CNOT4: variants seen among roughly 807,000 people sequenced by gnomAD.
CNOT4 encodes the protein CCR4-NOT transcription complex subunit 4.
A neutral mutation model predicts 73.8 loss-of-function variants in CNOT4; 8 were observed. The ratio of observed to expected loss-of-function variants is 0.11; its 90% CI spans 0.06 to 0.20. The LOEUF (loss-of-function observed/expected upper bound fraction) is 0.20, where lower values mean the gene tolerates loss of function less well. CNOT4 is among the 10% of genes least tolerant of loss of function. The pLI is 1.00. For synonymous variants in CNOT4, 293 were observed against 321.1 expected (o/e 0.91, Z 0.94); for missense variants, 564 against 883.4 (o/e 0.64, Z 4.58).
intron 7 of CNOT4, among the ~76,000 whole-genome samples, chr7:135,404,334 T>A (rs1797163614): frequency 6.6e-6 from 1 of 152,222 alleles, no homozygotes; most frequent in Admixed American, 6.5e-5. Flanking sequence ...AGTTTGAGAA[T>A]CACTGCTTTA....
At position 135,394,272 on chromosome 7, in the gene CNOT4, C is replaced by G; in HGVS notation, c.1273G>C (p.Val425Leu). The G allele has an allele frequency of 6.2e-7, 1 of 1,614,106 alleles. No individual in the cohort carries two copies. The highest frequency in any genetic ancestry group is 8.5e-7 in the Non-Finnish European group (1 of 1,180,012). Residue 425 changes from valine to leucine, a missense_variant, in exon 10 of 12, where the codon GTT becomes CTT. Physicochemically the swap from Val to Leu is conservative, Grantham distance 32. This residue lies in a region of CNOT4 where 153 missense variants were observed against 158.7 expected (regional missense o/e 0.96). Transcript: ENST00000541284. ...LADLIEKELS[V>L]QDQPSLSPTS... ...GGCGAAAGGGAAGGTTGGTCTTGAA[C>G]GGACAGTTCCTTCTCAATCAGGTCT...
At position 135,394,088 on chromosome 7, in the gene CNOT4, T is replaced by C; in HGVS notation, c.1457A>G (p.Tyr486Cys). 1 of 1,614,176 alleles carries C rather than the reference T, an allele frequency of 6.2e-7. No homozygotes were observed. Among genetic ancestry groups the C allele is most frequent in the East Asian group, 2.2e-5 (1 of 44,886 alleles). The stretch of plus-strand genomic sequence containing the variant: ...CTGGCCTGGAAAACTGAATGAATTA[T>C]AAACCGCTCGGTGCTGCTGAAATTG... ...FPQFQQHRAV[Y>C]NSFSFPGQAA... Residue 486 changes from tyrosine (Y) to cysteine (C), a missense_variant, in exon 10 of 12, where the codon TAT becomes TGT. Tyr to Cys is a radical substitution (Grantham distance 194). Transcript: ENST00000541284.
chr7:135,502,816 C>CAAAAAAAAAAAA (rs56358299), intron 1 of CNOT4, among the ~76,000 whole-genome samples: 1 of 59,162 alleles, frequency 1.7e-5, no homozygotes, highest in Non-Finnish European at 3.3e-5. Flanking sequence ...AACTCCATCT[C>CAAAAAAAAAAAA]AAAAAAAAAA....
At chr7:135,503,739 C>T (rs988517462) in intron 1 of CNOT4, among the ~76,000 whole-genome samples, 2 of 151,894 alleles carry the variant, frequency 1.3e-5, no homozygotes, top group South Asian at 4.2e-4. Context: ...TCCTAATTCT[C>T]ATCTAAGAAT....
chr7:135,473,885 T>C lies in CNOT4; in HGVS notation c.-92-35462A>G, dbSNP rs112588115. On this transcript the variant is annotated intron_variant, in intron 1 of 11. Transcript: ENST00000541284. ...AGGAACAAACTCCCCCATCCAAGAGTAGAATAGTACTGTTTATGGCTTTCT... is the reference window on the plus strand; with the variant it reads ...AGGAACAAACTCCCCCATCCAAGAGCAGAATAGTACTGTTTATGGCTTTCT... Among the ~76,000 whole-genome samples the C allele has an allele frequency of 2.6e-5, 4 of 152,030 alleles. 1 individual carries two copies. Among genetic ancestry groups the C allele is most frequent in the African/African-American group, 9.6e-5 (4 of 41,470 alleles).
intron 10 of CNOT4, chr7:135,388,130 A>C (rs551778394): frequency 7.7e-5 from 76 of 985,032 alleles, no homozygotes; most frequent in Non-Finnish European, 8.2e-5. Flanking sequence ...AAGAGATTAT[A>C]TTGCATTTAG....
intron 1 of CNOT4, among the ~76,000 whole-genome samples, chr7:135,489,287 C>T (rs1802943840): frequency 6.6e-6 from 1 of 150,920 alleles, no homozygotes; most frequent in Non-Finnish European, 1.5e-5. Context: ...TTTAAAATTA[C>T]TAATAAGAAA....
At chr7:135,470,059 G>A (rs1056882719) in intron 1 of CNOT4, among the ~76,000 whole-genome samples, 1 of 152,046 alleles carries the variant, frequency 6.6e-6, no homozygotes, top group South Asian at 2.1e-4. Flanking sequence ...CTGGCCTCAA[G>A]TGATCCACCC....
chr7:135,471,660 G>A (rs188766955), intron 1 of CNOT4, among the ~76,000 whole-genome samples: 9 of 152,178 alleles, frequency 5.9e-5, no homozygotes, highest in Non-Finnish European at 1.3e-4. Context: ...TCAGCTGGTC[G>A]GAGATAATAA....
At chr7:135,366,688 G>A (rs1422485087) in intron 10 of CNOT4, among the ~76,000 whole-genome samples, 1 of 152,210 alleles carries the variant, frequency 6.6e-6, no homozygotes, top group Non-Finnish European at 1.5e-5. Flanking sequence ...AAAGCTGCAA[G>A]TGTTACAGGG....
intron 1 of CNOT4, among the ~76,000 whole-genome samples, chr7:135,477,217 C>G (rs563336152): frequency 6.6e-6 from 1 of 150,556 alleles, no homozygotes; most frequent in African/African-American, 2.4e-5. Context: ...GTGGCACATG[C>G]CCATAGTGCC....
At chr7:135,461,305 T>C (rs1284356813) in intron 1 of CNOT4, among the ~76,000 whole-genome samples, 1 of 152,116 alleles carries the variant, frequency 6.6e-6, no homozygotes. Flanking sequence ...AAAAAAGAAA[T>C]AAGCAATTTT....
Position 135,510,088 on chromosome 7 carries a change from G to A in CNOT4, c.-292C>T, listed in dbSNP as rs1280821002. The A allele has an allele frequency of 1.3e-5, 5 of 399,018 alleles. No individual in the cohort carries two copies. Among genetic ancestry groups the A allele is most frequent in the African/African-American group, 4.1e-5 (2 of 48,632 alleles). 24.7% of individuals were successfully genotyped at this position (399,018 alleles called of 1,614,324 possible). A position where few individuals can be genotyped will look rare whatever the true frequency, so the allele number is the denominator to read the frequency against. Reference sequence around the variant, plus strand: ...CCAGACGGGCCACCATCTTACATTAGGGTAAGACTCCTCCGGCCTCCCGTG... The same window carrying A: ...CCAGACGGGCCACCATCTTACATTAAGGTAAGACTCCTCCGGCCTCCCGTG... On this transcript the variant is annotated 5_prime_UTR_variant, in exon 1 of 12. Transcript: ENST00000541284.
intron 10 of CNOT4, among the ~76,000 whole-genome samples, chr7:135,369,756 A>G (rs1462498958): frequency 1.3e-5 from 2 of 152,314 alleles, no homozygotes; most frequent in South Asian, 4.1e-4. Context: ...CCTCCCTCTT[A>G]TAAGTGATCT....
Position 135,451,220 on chromosome 7 carries a change from G to T in CNOT4, c.-92-12797C>A, listed in dbSNP as rs115045647. Among the ~76,000 whole-genome samples the T allele has an allele frequency of 2.7e-3, 413 of 152,300 alleles. 1 individual carries two copies. The highest frequency in any genetic ancestry group is 9.4e-3 in the African/African-American group (390 of 41,558). ...TAAAATTAAATAAAGCAGTTTTAAA[G>T]AACTAAATCTGTACATACTAACATA... On this transcript the variant is annotated intron_variant, in intron 1 of 11. Transcript: ENST00000541284.
At chr7:135,434,155 T>C (rs1414862998) in intron 2 of CNOT4, among the ~76,000 whole-genome samples, 1 of 152,102 alleles carries the variant, frequency 6.6e-6, no homozygotes, top group African/African-American at 2.4e-5. Context: ...CAGGGTTGGG[T>C]TACATGTAAA....
intron 1 of CNOT4, among the ~76,000 whole-genome samples, chr7:135,465,743 A>ATT (rs1554440873): frequency 6.7e-6 from 1 of 149,476 alleles, no homozygotes; most frequent in Admixed American, 6.7e-5. Context: ...AAAAAAAAAA[A>ATT]TTTTTTTTTT....
rs556218757 is a variant in CNOT4 at position 135,484,288 on chromosome 7, T to C, written c.-93+25601A>G. ...CAAGATTGGCTGTTCTCACCAATCT[T>C]ATCCAACATAATTATGGAAATTCCA... On this transcript the variant is annotated intron_variant, in intron 1 of 11. Coordinates refer to ENST00000541284, the MANE Select transcript of CNOT4 (RefSeq NM_001190850.2). 1.8e-4 allele frequency among the ~76,000 whole-genome samples: 28 copies of C among 152,234 alleles called. No individual in the cohort carries two copies. The South Asian group carries it at 5.6e-3, about 31-fold the overall frequency.
intron 2 of CNOT4, among the ~76,000 whole-genome samples, chr7:135,436,114 C>T (rs1799139323): frequency 6.6e-6 from 1 of 151,446 alleles, no homozygotes; most frequent in African/African-American, 2.4e-5. Context: ...ATTCCTCACA[C>T]TTTCTGGTAT....
Sources: allele counts gnomAD v4.1 joint callset (sites outside exome capture counted in the v4.1 genomes callset), GRCh38; gene constraint gnomAD v4.1.1; regional missense constraint gnomAD v4.1.1; transcripts MANE v1.5; gene names NCBI Gene and HGNC (gene_info 2026-07-23, HGNC 2026-07-21).